ADGRG1: variants seen among roughly 807,000 people sequenced by gnomAD.
ADGRG1 encodes 7-transmembrane protein with no EGF-like N-terminal domains-1.
In ADGRG1, 53 loss-of-function variants were observed where a neutral mutation model predicts 73.5. That is an observed-to-expected ratio of 0.72 (90% confidence interval 0.58 to 0.91). The LOEUF (loss-of-function observed/expected upper bound fraction) is 0.91. Among genes scored for constraint, ADGRG1 ranks in the 40% least tolerant of loss-of-function variants. The pLI is 0.00. For synonymous variants in ADGRG1, 394 were observed against 374.4 expected, an observed-to-expected ratio of 1.05 and a Z score of -0.60; for missense variants, 795 against 871.8, an observed-to-expected ratio of 0.91 and a Z score of 1.11.
At chr16:57,626,394 C>T (rs911278228), upstream of ADGRG1, among the ~76,000 whole-genome samples, 1 of 152,174 alleles carries the variant, frequency 6.6e-6, no homozygotes, top group African/African-American at 2.4e-5. Flanking sequence ...CCCCTTTACT[C>T]CCAGAGACCC....
At chr16:57,643,662 C>A (rs1243595439) in intron 1 of ADGRG1, 4 of 985,002 alleles carry the variant, frequency 4.1e-6, no homozygotes, top group Non-Finnish European at 4.8e-6. Context: ...AGGCAGGCAG[C>A]TTGCTTCATT....
rs755166496 is a variant in ADGRG1, at chr16:57,653,348, C to A, written c.620+13C>A. ...CCCCCGCCAGCCAGTAAGTTTGGCA[C>A]CTGGGGCTGTGAGGGGAGGCAGGAA... On this transcript the variant is annotated intron_variant, in intron 4 of 13. Transcript: ENST00000562631. 12 of 1,606,516 alleles carry A rather than the reference C, an allele frequency of 7.5e-6. No individual in the cohort carries two copies. In the African/African-American group the frequency reaches 1.6e-4, roughly 21 times the overall value.
intron 8 of ADGRG1, 114 bp from the exon 9 acceptor site, chr16:57,656,400 G>T: frequency 6.2e-7 from 1 of 1,609,534 alleles, no homozygotes; most frequent in South Asian, 1.1e-5. Flanking sequence ...GAGAGCGATG[G>T]CAGGCTATGA....
chr16:57,646,955 C>A lies in ADGRG1; in HGVS notation c.-35-3298C>A, dbSNP rs1438886440. 9.1e-6 allele frequency: 9 copies of A among 984,638 alleles called. No individual in the cohort carries two copies. In the South Asian group the frequency reaches 4.2e-4, roughly 46 times the overall value. 61.0% of individuals were successfully genotyped at this position (984,638 alleles called of 1,614,324 possible). On this transcript the variant is annotated intron_variant, in intron 1 of 13. Transcript: ENST00000562631. ...CTGTGGGGCCGTGGTTGGTACTGAG[C>A]GCCTGATGGCTGAGGCCCTGTAGCG...
intron 1 of ADGRG1, chr16:57,644,040 CCT>C: frequency 2.0e-6 from 2 of 985,326 alleles, no homozygotes; most frequent in Non-Finnish European, 2.4e-6. Context: ...GAGGGAGGGT[CCT>C]CTCAGACGCC....
At chr16:57,631,375 G>A (rs2037858909) in intron 1 of ADGRG1, 3 of 985,956 alleles carry the variant, frequency 3.0e-6, no homozygotes, top group Non-Finnish European at 3.6e-6. Flanking sequence ...TGCAGGTGGG[G>A]TCTGGGGGGC....
Position 57,661,901 on chromosome 16 carries a change from C to T in ADGRG1, c.1869C>T (p.Ser623=), listed in dbSNP as rs749503995. Residue 623 remains serine (S), a synonymous_variant, in exon 13 of 14, where the codon TCC becomes TCT. Coordinates refer to ENST00000562631, the MANE Select transcript of ADGRG1 (RefSeq NM_201525.4). The part of the protein sequence containing the change: ...LGLPWALIFF[S]FASGTFQLVV... ...TGCCCTGGGCCTTGATCTTCTTCTCCTTTGCTTCTGGCACCTTCCAGCTTG... is the reference window on the plus strand; with the variant it reads ...TGCCCTGGGCCTTGATCTTCTTCTCTTTTGCTTCTGGCACCTTCCAGCTTG... 1 of 1,614,274 alleles carries T rather than the reference C, an allele frequency of 6.2e-7. No individual in the cohort carries two copies. Among genetic ancestry groups the T allele is most frequent in the Non-Finnish European group, 8.5e-7 (1 of 1,180,046 alleles).
At position 57,651,483 on chromosome 16, in the gene ADGRG1, C is replaced by T. The variant is rs2148239880; in HGVS notation, c.348C>T (p.Ala116=). 2 of 1,614,246 alleles carry T rather than the reference C, an allele frequency of 1.2e-6. No individual in the cohort carries two copies. The highest frequency in any genetic ancestry group is 1.3e-5 in the African/African-American group (1 of 75,068). The change falls in exon 3 of 14, where the codon GCC becomes GCT. Residue 116 remains alanine (A), a synonymous_variant. Coordinates refer to ENST00000562631, the MANE Select transcript of ADGRG1 (RefSeq NM_201525.4). ...GTGACTTCTTGCTGAGTGACAAAGC[C>T]TCTAGCCTCCTCTGCTTCCAGCACC... is the stretch of plus-strand genomic sequence containing the variant. The part of the protein sequence containing the change: ...GKRDFLLSDK[A]SSLLCFQHQE...
At chr16:57,651,875 G>A in intron 3 of ADGRG1, 1 of 1,428,704 alleles carries the variant, frequency 7.0e-7, no homozygotes, top group Admixed American at 2.7e-5. Flanking sequence ...GGTGAGGATG[G>A]AAGGGCAAGG....
intron 13 of ADGRG1, chr16:57,663,155 C>T (rs1032317548): frequency 3.5e-5 from 31 of 894,506 alleles, no homozygotes; most frequent in Non-Finnish European, 4.1e-5. Context: ...TGAGCCCTGG[C>T]TCAGCCACGT....
At chr16:57,635,767 G>A (rs1474988830) in intron 1 of ADGRG1, 3 of 985,370 alleles carry the variant, frequency 3.0e-6, no homozygotes, top group Admixed American at 1.2e-4. Flanking sequence ...GACAACAGAG[G>A]CAGCCCAGGG....
rs1310004094 is a variant in ADGRG1 at position 57,655,969 on chromosome 16, A to T, written c.994A>T (p.Thr332Ser). 2 of 1,613,824 alleles carry T rather than the reference A, an allele frequency of 1.2e-6. No individual in the cohort carries two copies. The highest frequency in any genetic ancestry group is 2.7e-5 in the African/African-American group (2 of 74,922). The change falls in exon 7 of 14, where the codon ACT becomes TCT. Residue 332 changes from threonine (T) to serine (S), a missense_variant. Transcript: ENST00000562631. ...CAACCTCACGGAGCCCGTGGTGCTC[A>T]CTTTCCAGCACCAGCTACAGCCGGT... Reference protein sequence around the residue: ...VANLTEPVVLTFQHQLQPKNV... With the variant: ...VANLTEPVVLSFQHQLQPKNV...
chr16:57,621,821 G>C lies in ADGRG1; in HGVS notation c.-154+426G>C, dbSNP rs567624184. The C allele has an allele frequency of 1.8e-4, 175 of 982,186 alleles. No individual in the cohort carries two copies. In the African/African-American group the frequency reaches 2.9e-3, roughly 17 times the overall value. 60.8% of individuals were successfully genotyped at this position (982,186 alleles called of 1,614,324 possible). A position where few individuals can be genotyped will look rare whatever the true frequency, so the allele number is the denominator to read the frequency against. On this transcript the variant is annotated intron_variant, in intron 2 of 4. Transcript: ENST00000561833. ...GCAAGAGGCACAATTTTAGGGGCAA[G>C]AGCAGCAAGTAGGATGGTCTTGAGG...
intron 5 of ADGRG1, chr16:57,654,875 G>A (rs541230946): frequency 1.0e-4 from 17 of 164,796 alleles, no homozygotes; most frequent in Non-Finnish European, 1.9e-4. Context: ...GCGAGACTCT[G>A]TCTCAAAAAA....
intron 1 of ADGRG1, chr16:57,642,842 C>G (rs1328209258): frequency 1.3e-5 from 2 of 155,900 alleles, no homozygotes; most frequent in Admixed American, 6.5e-5. Context: ...ATTACTTAAC[C>G]TCTTTGGGCT....
intron 1 of ADGRG1, chr16:57,632,065 G>A: frequency 1.0e-6 from 1 of 985,490 alleles, no homozygotes; most frequent in Non-Finnish European, 1.2e-6. Flanking sequence ...ATTCTGCCAG[G>A]CCCTGGGCTC....
rs2047823137 is a variant in ADGRG1, at chr16:57,663,702, G to A, written c.*120G>A. ...AGCCGCAGACTTTGGAAAGCCCAAC[G>A]ACCATGGAGAGATGGGCCGTTGCCA... On this transcript the variant is annotated 3_prime_UTR_variant, in exon 14 of 14. Transcript: ENST00000562631. 2 of 1,149,390 alleles carry A rather than the reference G, an allele frequency of 1.7e-6. No individual in the cohort carries two copies. The highest frequency in any genetic ancestry group is 2.6e-6 in the Non-Finnish European group (2 of 783,976). 71.2% of individuals were successfully genotyped at this position (1,149,390 alleles called of 1,614,324 possible).
intron 2 of ADGRG1, chr16:57,650,567 C>T (rs2043798114): frequency 4.0e-6 from 1 of 248,328 alleles, no homozygotes; most frequent in African/African-American, 2.3e-5. Flanking sequence ...GGGTACTGGC[C>T]CCACTCACCT....
intron 1 of ADGRG1, chr16:57,635,253 C>T (rs2039065222): frequency 1.0e-6 from 1 of 984,964 alleles, no homozygotes; most frequent in South Asian, 4.7e-5. Context: ...AACCCTCGTG[C>T]ACAGCTTCCT....
Sources: gnomAD v4.1 joint callset for allele counts (sites outside exome capture counted in the v4.1 genomes callset) on GRCh38, gnomAD v4.1.1 for gene constraint, MANE v1.5 for transcripts, NCBI Gene and HGNC (gene_info 2026-07-23, HGNC 2026-07-21) for gene names.